PRKCE: variants seen among roughly 807,000 people sequenced by gnomAD.
PRKCE encodes the protein protein kinase C epsilon type.
In PRKCE, 16 loss-of-function variants were observed where a neutral mutation model predicts 85.4. The observed-to-expected ratio is 0.19, with a 90% CI of 0.13 to 0.28. The LOEUF is 0.28. Ranked by LOEUF, PRKCE falls within the 10% of genes least tolerant of loss-of-function variation. The probability of loss-of-function intolerance (pLI) is 1.00; values close to 1 mark genes in which losing one functional copy is unlikely to be tolerated. For missense variants in PRKCE, 573 were observed against 975.2 expected (o/e 0.59, Z 5.49); for synonymous variants, 388 against 371.5 (o/e 1.04, Z -0.51).
chr2:45,862,084 C>T (rs1434217402), intron 2 of PRKCE, among the ~76,000 whole-genome samples: 1 of 151,918 alleles, frequency 6.6e-6, no homozygotes, highest in African/African-American at 2.4e-5. Context: ...AACTCATTAA[C>T]ATTTTTGCTG....
chr2:46,168,652 T>C (rs761164995), intron 14 of PRKCE, among the ~76,000 whole-genome samples: 5 of 152,168 alleles, frequency 3.3e-5, no homozygotes, highest in Non-Finnish European at 5.9e-5. Flanking sequence ...GGCAGAAGAC[T>C]TGATAATGCA....
intron 10 of PRKCE, among the ~76,000 whole-genome samples, chr2:46,074,996 A>G (rs958090695): frequency 6.6e-6 from 1 of 152,180 alleles, no homozygotes; most frequent in African/African-American, 2.4e-5. Context: ...GGTTGGGGAA[A>G]TTGGATTAGA....
At chr2:46,010,188 A>G in intron 9 of PRKCE, among the ~76,000 whole-genome samples, 156 bp from the exon 10 acceptor site, 1 of 152,198 alleles carries the variant, frequency 6.6e-6, no homozygotes, top group East Asian at 1.9e-4. Context: ...TCAGCCTCCC[A>G]AGTATCTTGG....
chr2:45,691,868 G>T (rs1294221004), intron 1 of PRKCE, among the ~76,000 whole-genome samples: 1 of 152,218 alleles, frequency 6.6e-6, no homozygotes. Flanking sequence ...GGCATGGGAA[G>T]CCAGGTGAAG....
intron 1 of PRKCE, among the ~76,000 whole-genome samples, chr2:45,663,400 A>G (rs1025259561): frequency 7.9e-5 from 12 of 152,210 alleles, no homozygotes; most frequent in African/African-American, 2.9e-4. Context: ...GGGTTCTGCT[A>G]GTTGGCAGAG....
chr2:45,739,244 G>T (rs2104623055), intron 1 of PRKCE, among the ~76,000 whole-genome samples: 1 of 152,328 alleles, frequency 6.6e-6, no homozygotes, highest in South Asian at 2.1e-4. Flanking sequence ...CACTGCTGTG[G>T]CTGGGTCTGG....
intron 1 of PRKCE, among the ~76,000 whole-genome samples, chr2:45,817,713 T>C (rs1334117706): frequency 6.6e-6 from 1 of 152,072 alleles, no homozygotes; most frequent in Non-Finnish European, 1.5e-5. Flanking sequence ...AAAAAAAACT[T>C]TCCAATCCTG....
chr2:46,151,014 G>A, intron 12 of PRKCE, 27 bp from the exon 13 acceptor site: 2 of 1,582,210 alleles, frequency 1.3e-6, no homozygotes, highest in Non-Finnish European at 1.7e-6. Context: ...CTTTGATGGT[G>A]CCTGACATTG....
chr2:45,842,646 G>T (rs1691448068), intron 1 of PRKCE, among the ~76,000 whole-genome samples: 1 of 152,160 alleles, frequency 6.6e-6, no homozygotes, highest in African/African-American at 2.4e-5. Context: ...GTTGCGAGGG[G>T]TCATCCTGTG....
rs375817811 is a variant in PRKCE at position 46,133,213 on chromosome 2, A to G, written c.1593-11880A>G. Among the ~76,000 whole-genome samples, 26 of 152,338 alleles carry G rather than the reference A, an allele frequency of 1.7e-4. No individual in the cohort carries two copies. In the East Asian group the frequency reaches 1.7e-3, roughly 10 times the overall value. Reference sequence around the variant, plus strand: ...CCAGGCTCCAAGAACGCCCCCAGAAAGGTTACTCTTGGTCCTTTAGCTGGA... The same window carrying G: ...CCAGGCTCCAAGAACGCCCCCAGAAGGGTTACTCTTGGTCCTTTAGCTGGA... On this transcript the variant is annotated intron_variant, in intron 11 of 14. Coordinates refer to ENST00000306156, the MANE Select transcript of PRKCE (RefSeq NM_005400.3).
chr2:45,851,872 C>T (rs908361255), intron 2 of PRKCE: 3 of 152,212 alleles, frequency 2.0e-5, no homozygotes, highest in Non-Finnish European at 2.9e-5. Context: ...AGGATTCCCT[C>T]GGGCTATGCC....
chr2:45,677,449 C>A (rs1036782590), intron 1 of PRKCE, among the ~76,000 whole-genome samples: 1 of 150,996 alleles, frequency 6.6e-6, no homozygotes, highest in Middle Eastern at 3.4e-3. Context: ...CTCCGCTTCC[C>A]GGGTTCCCGC....
rs923911784 is a variant in PRKCE, at chr2:46,155,712, G to A, written c.1921-3894G>A. On this transcript the variant is annotated intron_variant, in intron 13 of 14. Coordinates refer to ENST00000306156, the MANE Select transcript of PRKCE (RefSeq NM_005400.3). The surrounding 1 kb of genome is among the most constrained non-coding windows in gnomAD (Gnocchi z 4.7). ...TTTCTAAACAGACCAGAAATGGGGT[G>A]CAATCCCTCTCTCCCCATCACAGCT... Among the ~76,000 whole-genome samples the A allele has an allele frequency of 1.3e-5, 2 of 152,118 alleles. No individual in the cohort carries two copies. Among genetic ancestry groups the A allele is most frequent in the Admixed American group, 1.3e-4 (2 of 15,276 alleles).
At chr2:45,973,644 C>T (rs1702250069) in intron 2 of PRKCE, among the ~76,000 whole-genome samples, 1 of 152,210 alleles carries the variant, frequency 6.6e-6, no homozygotes, top group Non-Finnish European at 1.5e-5. Flanking sequence ...AACAGCTTCC[C>T]TCCAGGTATC....
In PRKCE at chr2:46,186,930, C is replaced by A. The variant is rs1680488689; in HGVS notation, c.*2049C>A. ...TATTAAATATTATGATATATCAATT[C>A]ATGTGTTTGGCATACCAGTGAATGA... On this transcript the variant is annotated 3_prime_UTR_variant, in exon 15 of 15. Coordinates refer to ENST00000306156, the MANE Select transcript of PRKCE (RefSeq NM_005400.3). 1 of 152,206 alleles carries A rather than the reference C, an allele frequency of 6.6e-6. No individual in the cohort carries two copies. Among genetic ancestry groups the A allele is most frequent in the Non-Finnish European group, 1.5e-5 (1 of 67,958 alleles). 9.4% of individuals were successfully genotyped at this position (152,206 alleles called of 1,614,324 possible).
intron 1 of PRKCE, among the ~76,000 whole-genome samples, chr2:45,758,954 G>A (rs1684221641): frequency 1.3e-5 from 2 of 152,218 alleles, no homozygotes; most frequent in Admixed American, 1.3e-4. Flanking sequence ...GAACAAGGGA[G>A]TGATATGGTG....
intron 1 of PRKCE, among the ~76,000 whole-genome samples, chr2:45,809,822 G>A (rs1350572191): frequency 6.6e-6 from 1 of 151,046 alleles, no homozygotes; most frequent in African/African-American, 2.4e-5. Flanking sequence ...AGAGGTTGCG[G>A]TGAGCCAAGA....
At chr2:46,087,602 G>T (rs538432906) in intron 11 of PRKCE, among the ~76,000 whole-genome samples, 1 of 152,326 alleles carries the variant, frequency 6.6e-6, no homozygotes, top group South Asian at 2.1e-4. Context: ...ATGGCCCTCT[G>T]CCATGGGAAT....
chr2:45,900,446 G>C (rs1696490332), intron 2 of PRKCE, among the ~76,000 whole-genome samples: 1 of 152,200 alleles, frequency 6.6e-6, no homozygotes, highest in Admixed American at 6.5e-5. Flanking sequence ...AAAAGGAGGG[G>C]AATTCTGATA....
Sources: gnomAD v4.1 joint callset for allele counts (sites outside exome capture counted in the v4.1 genomes callset) on GRCh38, gnomAD v4.1.1 for gene constraint, Gnocchi (gnomAD v3.1) non-coding constraint, MANE v1.5 for transcripts, NCBI Gene and HGNC (gene_info 2026-07-23, HGNC 2026-07-21) for gene names.